Variants in FUT8 observed in about 807,000 individuals in gnomAD.
FUT8 encodes fucosyltransferase 8.
A neutral mutation model predicts 71.3 loss-of-function variants in FUT8; 29 were observed. The ratio of observed to expected loss-of-function variants is 0.41; its 90% CI spans 0.30 to 0.55. The LOEUF (loss-of-function observed/expected upper bound fraction) is 0.55, where lower values mean the gene tolerates loss of function less well. FUT8 is among the 20% of genes least tolerant of loss of function. The pLI is 0.34. For synonymous variants in FUT8, 254 were observed against 239.3 expected (o/e 1.06, Z -0.57); for missense variants, 544 against 702.1 (o/e 0.77, Z 2.55).
chr14:65,600,700 TTTA>T (rs1332497791), intron 3 of FUT8, among the ~76,000 whole-genome samples: 2 of 152,150 alleles, frequency 1.3e-5, no homozygotes, highest in African/African-American at 4.8e-5. Flanking sequence ...CCTTAAAAAA[TTTA>T]TTCACATATT....
chr14:65,683,036 G>A lies in FUT8; in HGVS notation c.835+13556G>A, dbSNP rs556430880. Among the ~76,000 whole-genome samples, 508 of 144,428 alleles carry A rather than the reference G, an allele frequency of 3.5e-3. 2 individuals carry two copies. The highest frequency in any genetic ancestry group is 0.013 in the African/African-American group (486 of 38,724). The allele number at this position is 144,428 out of a possible 152,430, so 94.8% of individuals were successfully genotyped here. ...CAATTTTTTTTTTTTTTTTTGATAC[G>A]GAGTTTTACTCTTGTCACCTAGGCT... On this transcript the variant is annotated intron_variant, in intron 7 of 10. Coordinates refer to ENST00000673929, the MANE Select transcript of FUT8 (RefSeq NM_001371533.1).
At chr14:65,737,218 C>G (rs987538291) in intron 10 of FUT8, among the ~76,000 whole-genome samples, 1 of 152,114 alleles carries the variant, frequency 6.6e-6, no homozygotes, top group Non-Finnish European at 1.5e-5. Context: ...AAAGCCAACA[C>G]TGTGGCTCTG....
intron 9 of FUT8, among the ~76,000 whole-genome samples, chr14:65,728,728 T>A (rs77949738): frequency 0.03 from 4,508 of 152,292 alleles, 230 homozygotes; most frequent in African/African-American, 0.1. Context: ...CCTTCAGTAT[T>A]CAATACAATA....
At chr14:65,439,954 G>GTATATGTATATATATATA (rs2065621718) in intron 1 of FUT8, among the ~76,000 whole-genome samples, 2 of 74,984 alleles carry the variant, frequency 2.7e-5, no homozygotes, top group Admixed American at 1.6e-4. Flanking sequence ...GTGTGTGTGT[G>GTATATGTATATATATATA]TATATATATA....
intron 3 of FUT8, among the ~76,000 whole-genome samples, chr14:65,604,998 A>G (rs1888501321): frequency 6.6e-6 from 1 of 151,854 alleles, no homozygotes. Flanking sequence ...ATGTTTTGCA[A>G]CTTTTTTCAC....
chr14:65,571,426 CAT>C (rs1886471664), intron 3 of FUT8, among the ~76,000 whole-genome samples: 2 of 152,080 alleles, frequency 1.3e-5, no homozygotes, highest in South Asian at 4.2e-4. Flanking sequence ...TCAGATGATC[CAT>C]AGTTTCCCTA....
chr14:65,453,844 G>C (rs573373548), intron 1 of FUT8, among the ~76,000 whole-genome samples: 1 of 152,240 alleles, frequency 6.6e-6, no homozygotes, highest in South Asian at 2.1e-4. Context: ...CTCCTTTCTG[G>C]TATATCATTC....
chr14:65,613,305 T>A (rs1889104206), intron 3 of FUT8, among the ~76,000 whole-genome samples: 1 of 152,240 alleles, frequency 6.6e-6, no homozygotes, highest in Non-Finnish European at 1.5e-5. Flanking sequence ...ATTCCTGTCC[T>A]ATAGTATATT....
chr14:65,442,018 G>C (rs61989998), intron 1 of FUT8, among the ~76,000 whole-genome samples: 1 of 151,738 alleles, frequency 6.6e-6, no homozygotes, highest in South Asian at 2.1e-4. Flanking sequence ...TCATTGTTCA[G>C]TTCCCACCTA....
the FUT8 span, among the ~76,000 whole-genome samples, chr14:65,403,903 TTC>T: frequency 6.6e-6 from 1 of 152,174 alleles, no homozygotes; most frequent in South Asian, 2.1e-4. Flanking sequence ...TCTTTTTCTT[TTC>T]TTTTTTTTTG....
At chr14:65,620,675 C>CAG (rs976648056) in intron 5 of FUT8, among the ~76,000 whole-genome samples, 4 of 152,114 alleles carry the variant, frequency 2.6e-5, no homozygotes, top group East Asian at 1.9e-4. Context: ...TACACAAAAA[C>CAG]AGAGAGAGAG....
At chr14:65,376,857 G>A in the FUT8 span, among the ~76,000 whole-genome samples, 1 of 152,076 alleles carries the variant, frequency 6.6e-6, no homozygotes, top group South Asian at 2.1e-4. Context: ...TCTAGGTAGG[G>A]AGGTCTTGGA....
chr14:65,616,057 G>A lies in FUT8; in HGVS notation c.283G>A (p.Glu95Lys), dbSNP rs1185403247. ...AGAAGAGCAGCTTGTTAAGGCCAAA[G>A]AACAGATTGAAAATTACAAGAAACA... The part of the protein sequence containing the change: ...VLEEQLVKAK[E>K]QIENYKKQTR... The change falls in exon 4 of 11, where the codon GAA (glutamate) becomes AAA (lysine). Residue 95 changes from glutamate to lysine, a missense_variant. Glu to Lys is a moderately conservative substitution (Grantham distance 56). Transcript: ENST00000673929. 6.2e-6 allele frequency: 10 copies of A among 1,613,814 alleles called. No homozygotes were observed. The highest frequency in any genetic ancestry group is 8.5e-6 in the Non-Finnish European group (10 of 1,179,878).
chr14:65,684,687 C>T (rs978284747), intron 7 of FUT8, among the ~76,000 whole-genome samples: 2 of 152,116 alleles, frequency 1.3e-5, no homozygotes, highest in Admixed American at 1.3e-4. Context: ...CAGTTTCCCC[C>T]ATGCTGTTCT....
chr14:65,616,152 G>C, intron 4 of FUT8, 59 bp downstream of exon 4: 1 of 1,594,118 alleles, frequency 6.3e-7, no homozygotes, highest in Non-Finnish European at 8.5e-7. Context: ...ACAGATAATT[G>C]AAAGTTTCCT....
chr14:65,378,844 T>TTG, the FUT8 span, among the ~76,000 whole-genome samples: 1 of 132,952 alleles, frequency 7.5e-6, no homozygotes, highest in Non-Finnish European at 1.6e-5. Flanking sequence ...AAGGTTTTTT[T>TTG]TTTTTTTTTT....
intron 7 of FUT8, among the ~76,000 whole-genome samples, chr14:65,689,420 T>G (rs1377336652): frequency 1.3e-5 from 2 of 152,218 alleles, no homozygotes; most frequent in Non-Finnish European, 2.9e-5. Flanking sequence ...ATATTTTGGT[T>G]ATAAGAGTTC....
chr14:65,562,925 T>C (rs1331916283), intron 3 of FUT8, among the ~76,000 whole-genome samples: 1 of 152,152 alleles, frequency 6.6e-6, no homozygotes, highest in Non-Finnish European at 1.5e-5. Context: ...TCTCATTTTC[T>C]ACTCTCACTG....
At chr14:65,579,867 A>G (rs566502594) in intron 3 of FUT8, among the ~76,000 whole-genome samples, 1 of 152,134 alleles carries the variant, frequency 6.6e-6, no homozygotes, top group Non-Finnish European at 1.5e-5. Flanking sequence ...GAATATGCAC[A>G]ATTTATGCAC....
Sources: allele counts gnomAD v4.1 joint callset (sites outside exome capture counted in the v4.1 genomes callset), GRCh38; gene constraint gnomAD v4.1.1; transcripts MANE v1.5; gene names NCBI Gene and HGNC (gene_info 2026-07-23, HGNC 2026-07-21).